EYS: variants seen among roughly 807,000 people sequenced by gnomAD.
EYS encodes the protein EGF-like photoreceptor maintenance factor, also known as protein eyes shut homolog.
EYS carries 250 observed loss-of-function variants against 282.1 expected under a neutral mutation model. The observed-to-expected ratio is 0.89, with a 90% CI of 0.80 to 0.98. The LOEUF (loss-of-function observed/expected upper bound fraction) is 0.98. EYS is among the 50% of genes least tolerant of loss of function. The pLI is 0.00. For missense variants in EYS, 4,016 were observed against 3,709.0 expected (o/e 1.08, Z -2.15); for synonymous variants, 1,355 against 1,282.9 (o/e 1.06, Z -1.20).
intron 33 of EYS, among the ~76,000 whole-genome samples, chr6:64,063,175 TG>T (rs1208947463): frequency 1.3e-5 from 2 of 152,212 alleles, no homozygotes; most frequent in Admixed American, 1.3e-4. Context: ...TCCTTTCCCA[TG>T]GTTTCAATTA....
intron 2 of EYS, among the ~76,000 whole-genome samples, chr6:65,533,420 T>C (rs921544737): frequency 3.9e-5 from 6 of 152,100 alleles, no homozygotes; most frequent in Admixed American, 3.9e-4. Context: ...GAGGAGCTGG[T>C]ACCATTCCTT....
intron 35 of EYS, among the ~76,000 whole-genome samples, chr6:63,972,175 G>T (rs928639731): frequency 9.2e-5 from 14 of 152,156 alleles, no homozygotes; most frequent in Non-Finnish European, 2.1e-4. Flanking sequence ...GAGTTGAATG[G>T]GTTCTTTTTT....
chr6:64,275,892 G>C (rs1257112909), intron 30 of EYS, among the ~76,000 whole-genome samples: 1 of 151,822 alleles, frequency 6.6e-6, no homozygotes, highest in African/African-American at 2.4e-5. Context: ...TTGACTCCAG[G>C]GGGCAGAGGT....
chr6:63,983,377 A>G (rs1485390735), intron 35 of EYS, among the ~76,000 whole-genome samples: 3 of 151,886 alleles, frequency 2.0e-5, no homozygotes, highest in South Asian at 2.1e-4. Context: ...TGGTAAATAT[A>G]TCACATTGAC....
intron 5 of EYS, among the ~76,000 whole-genome samples, chr6:65,469,336 C>T (rs1292905537): frequency 1.3e-5 from 2 of 151,960 alleles, no homozygotes; most frequent in Non-Finnish European, 2.9e-5. Context: ...ACGTTTAAAA[C>T]AACATTTTTA....
intron 33 of EYS, among the ~76,000 whole-genome samples, chr6:64,050,275 C>T (rs1259843929): frequency 6.6e-6 from 1 of 152,096 alleles, no homozygotes; most frequent in South Asian, 2.1e-4. Context: ...CCCTCCCACC[C>T]CCTGCCATTA....
intron 26 of EYS, among the ~76,000 whole-genome samples, chr6:64,551,447 G>T (rs1013370408): frequency 1.3e-5 from 2 of 150,750 alleles, no homozygotes; most frequent in African/African-American, 4.9e-5. Context: ...AATCAATTCA[G>T]AAAAATAATC....
chr6:64,782,891 T>A (rs1465009634), intron 22 of EYS, among the ~76,000 whole-genome samples: 3 of 152,242 alleles, frequency 2.0e-5, no homozygotes, highest in African/African-American at 7.2e-5. Flanking sequence ...CAGTAGTCCT[T>A]TCTTATCTGG....
intron 2 of EYS, among the ~76,000 whole-genome samples, chr6:65,591,362 G>A (rs564243446): frequency 6.6e-6 from 1 of 151,982 alleles, no homozygotes; most frequent in African/African-American, 2.4e-5. Context: ...GTGTGTGTGT[G>A]TGTATGTGTA....
intron 1 of EYS, among the ~76,000 whole-genome samples, chr6:65,660,033 C>CTA (rs1487230691): frequency 6.6e-6 from 1 of 151,594 alleles, no homozygotes; most frequent in Non-Finnish European, 1.5e-5. Flanking sequence ...ACAGGACTGG[C>CTA]TGTATAAATG....
chr6:65,012,934 A>G (rs1771926148), intron 13 of EYS, among the ~76,000 whole-genome samples: 1 of 152,136 alleles, frequency 6.6e-6, no homozygotes. Context: ...AGTATAGAGA[A>G]TTCAAATAGA....
At chr6:64,193,173 T>G (rs1765169204) in intron 31 of EYS, among the ~76,000 whole-genome samples, 1 of 152,314 alleles carries the variant, frequency 6.6e-6, no homozygotes, top group African/African-American at 2.4e-5. Flanking sequence ...ATTGAAGTAA[T>G]TTTGATTGGA....
chr6:65,319,244 G>A (rs1582137428), intron 11 of EYS, among the ~76,000 whole-genome samples: 4 of 144,480 alleles, frequency 2.8e-5, no homozygotes, highest in South Asian at 4.4e-4. Context: ...GCCGGGCATC[G>A]TGGCACATGC....
intron 14 of EYS, among the ~76,000 whole-genome samples, chr6:64,946,354 A>G (rs1157935): frequency 6.6e-6 from 1 of 152,038 alleles, no homozygotes. Context: ...ACAGATAAAT[A>G]TTTAAAATAA....
intron 29 of EYS, among the ~76,000 whole-genome samples, chr6:64,312,871 T>C (rs535699958): frequency 6.6e-6 from 1 of 152,216 alleles, no homozygotes; most frequent in Non-Finnish European, 1.5e-5. Context: ...AGAGACCCCA[T>C]CTGAAGGTCA....
intron 22 of EYS, among the ~76,000 whole-genome samples, chr6:64,710,235 G>A (rs1225395628): frequency 6.6e-6 from 1 of 152,188 alleles, no homozygotes; most frequent in African/African-American, 2.4e-5. Context: ...TAAAATCCAT[G>A]TCTTCTCATT....
rs555599919 is a variant in EYS at position 64,312,762 on chromosome 6, A to G, written c.6079-5680T>C. On this transcript the variant is annotated intron_variant, in intron 29 of 42. Transcript: ENST00000503581. ...ACAGGATCTGGAGTGGACCTCCAGC[A>G]AACTCCAGCAGACCAGTAGCAGAGG... is the stretch of plus-strand genomic sequence containing the variant. Among the ~76,000 whole-genome samples the G allele has an allele frequency of 7.0e-4, 106 of 152,364 alleles. 3 individuals carry two copies. In the South Asian group the frequency reaches 0.02, roughly 29 times the overall value.
At chr6:64,621,123 C>T (rs1437338635) in intron 23 of EYS, among the ~76,000 whole-genome samples, 1 of 151,908 alleles carries the variant, frequency 6.6e-6, no homozygotes, top group Non-Finnish European at 1.5e-5. Flanking sequence ...GGGAGCCAAC[C>T]CACCCAGCCT....
At chr6:65,470,227 A>T (rs1053954885) in intron 5 of EYS, among the ~76,000 whole-genome samples, 3 of 152,156 alleles carry the variant, frequency 2.0e-5, no homozygotes, top group African/African-American at 7.2e-5. Flanking sequence ...TATAGACTTA[A>T]GAAATTTTTA....
Sources: gnomAD v4.1 joint callset for allele counts (sites outside exome capture counted in the v4.1 genomes callset) on GRCh38, gnomAD v4.1.1 for gene constraint, MANE v1.5 for transcripts, NCBI Gene and HGNC (gene_info 2026-07-23, HGNC 2026-07-21) for gene names.